RFTN1: variants seen among roughly 807,000 people sequenced by gnomAD.
The protein encoded by RFTN1 is raftlin.
Under a neutral mutation model 46.5 loss-of-function variants are expected in RFTN1, and 26 were observed. That is an observed-to-expected ratio of 0.56 (90% confidence interval 0.41 to 0.78). The LOEUF (loss-of-function observed/expected upper bound fraction) is 0.78. RFTN1 is among the 30% of genes least tolerant of loss of function. RFTN1 has a pLI of 0.00. For missense variants in RFTN1, 693 were observed against 718.7 expected, an observed-to-expected ratio of 0.96 and a Z score of 0.41; for synonymous variants, 261 against 284.2, an observed-to-expected ratio of 0.92 and a Z score of 0.82.
chr3:16,413,723 G>T lies in RFTN1; in HGVS notation c.333-4240C>A, dbSNP rs185624770. Among the ~76,000 whole-genome samples, 1 of 152,246 alleles carries T rather than the reference G, an allele frequency of 6.6e-6. No homozygotes were observed. The highest frequency in any genetic ancestry group is 2.4e-5 in the African/African-American group (1 of 41,530). ...ACTAAGCACTCTCCAATTAAATAAAGACACTCTGAGGAGAGCATGACTAAT... is the reference window on the plus strand; with the variant it reads ...ACTAAGCACTCTCCAATTAAATAAATACACTCTGAGGAGAGCATGACTAAT... On this transcript the variant is annotated intron_variant, in intron 3 of 9. Transcript: ENST00000334133. This position sits in a 1 kb window ranked among gnomAD's most constrained non-coding sequence, Gnocchi z 4.7.
At chr3:16,399,559 A>G (rs1412800814) in intron 4 of RFTN1, among the ~76,000 whole-genome samples, 3 of 151,902 alleles carry the variant, frequency 2.0e-5, no homozygotes, top group Non-Finnish European at 4.4e-5. Flanking sequence ...TTTCACACTG[A>G]CCTCTCTGGC....
chr3:16,441,319 A>G (rs1299539139), intron 2 of RFTN1, among the ~76,000 whole-genome samples: 1 of 150,584 alleles, frequency 6.6e-6, no homozygotes, highest in African/African-American at 2.4e-5. Flanking sequence ...AAAAAAAAAA[A>G]AGGAAAAGAA....
At position 16,352,731 on chromosome 3, in the gene RFTN1, C is replaced by G. The variant is rs1029106853; in HGVS notation, c.1146+5201G>C. Reference sequence around the variant, plus strand: ...TATGTGCCCAGTCCTACATTCACAACTTTTTAATATATTTTCTCTTTTAAT... The same window carrying G: ...TATGTGCCCAGTCCTACATTCACAAGTTTTTAATATATTTTCTCTTTTAAT... On this transcript the variant is annotated intron_variant, in intron 7 of 9. Transcript: ENST00000334133. This position sits in a 1 kb window ranked among gnomAD's most constrained non-coding sequence, Gnocchi z 4.6. 1.3e-5 allele frequency among the ~76,000 whole-genome samples: 2 copies of G among 152,190 alleles called. No homozygotes were observed. The highest frequency in any genetic ancestry group is 4.8e-5 in the African/African-American group (2 of 41,448).
chr3:16,372,763 G>A (rs1400239233), intron 5 of RFTN1, among the ~76,000 whole-genome samples: 1 of 152,214 alleles, frequency 6.6e-6, no homozygotes, highest in Non-Finnish European at 1.5e-5. Flanking sequence ...CCTCAGAAAA[G>A]GTAGACGGTG....
chr3:16,358,448 CT>C (rs372870244), intron 6 of RFTN1, among the ~76,000 whole-genome samples: 1 of 145,346 alleles, frequency 6.9e-6, no homozygotes, highest in African/African-American at 2.5e-5. Context: ...TTTCTTTTTT[CT>C]TTTTTTTTAA....
Position 16,380,599 on chromosome 3 carries a change from C to T in RFTN1, c.442-2497G>A, listed in dbSNP as rs2073954012. Reference sequence around the variant, plus strand: ...TCAAAGTGTGGGCCCCAGACCAGAGCATCAGCATCCCCTGGGAACCTGTTA... The same window carrying T: ...TCAAAGTGTGGGCCCCAGACCAGAGTATCAGCATCCCCTGGGAACCTGTTA... On this transcript the variant is annotated intron_variant, in intron 4 of 9. Coordinates refer to ENST00000334133, the MANE Select transcript of RFTN1 (RefSeq NM_015150.2). The surrounding 1 kb of genome is among the most constrained non-coding windows in gnomAD (Gnocchi z 4.8). 6.6e-6 allele frequency among the ~76,000 whole-genome samples: 1 copy of T among 152,218 alleles called. No individual in the cohort carries two copies. Among genetic ancestry groups the T allele is most frequent in the African/African-American group, 2.4e-5 (1 of 41,450 alleles).
chr3:16,508,004 T>C (rs1019114748), intron 1 of RFTN1, among the ~76,000 whole-genome samples: 4 of 152,220 alleles, frequency 2.6e-5, no homozygotes, highest in African/African-American at 9.7e-5. Flanking sequence ...TCTGGCTTCC[T>C]GGTTGAAGAA....
At chr3:16,482,724 T>C in intron 2 of RFTN1, 1 of 1,493,288 alleles carries the variant, frequency 6.7e-7, no homozygotes, top group Non-Finnish European at 9.0e-7. Context: ...GTTGCTACTG[T>C]TAACAATGAT....
In RFTN1 at chr3:16,316,134, C is replaced by A. The variant is rs528792217; in HGVS notation, c.*694G>T. On this transcript the variant is annotated 3_prime_UTR_variant, in exon 10 of 10. Coordinates refer to ENST00000334133, the MANE Select transcript of RFTN1 (RefSeq NM_015150.2). This position sits in a 1 kb window ranked among gnomAD's most constrained non-coding sequence, Gnocchi z 4.5. ...TGTGGTTTGTATGATGTGCTGAGTA[C>A]AAAACCTTTAAAAACAACTTTTTGG... 2 of 153,258 alleles carry A rather than the reference C, an allele frequency of 1.3e-5. No individual in the cohort carries two copies. The highest frequency in any genetic ancestry group is 2.9e-5 in the Non-Finnish European group (2 of 68,540). 9.5% of individuals were successfully genotyped at this position (153,258 alleles called of 1,614,324 possible).
At position 16,450,538 on chromosome 3, in the gene RFTN1, G is replaced by C. The variant is rs1040825202; in HGVS notation, c.146-16501C>G. ...AGGTTAACATGTCTCCCATGTCTAT[G>C]CTCCCTCAGGTGGCTTCCACAGGCA... On this transcript the variant is annotated intron_variant, in intron 2 of 9. Transcript: ENST00000334133. The surrounding 1 kb of genome is among the most constrained non-coding windows in gnomAD (Gnocchi z 4.6). Among the ~76,000 whole-genome samples, 4 of 152,194 alleles carry C rather than the reference G, an allele frequency of 2.6e-5. No homozygotes were observed. The highest frequency in any genetic ancestry group is 1.3e-4 in the Admixed American group (2 of 15,276).
At position 16,512,061 on chromosome 3, in the gene RFTN1, A is replaced by C. The variant is rs2125019902; in HGVS notation, c.-9+1381T>G. Among the ~76,000 whole-genome samples, 1 of 152,286 alleles carries C rather than the reference A, an allele frequency of 6.6e-6. No individual in the cohort carries two copies. Among genetic ancestry groups the C allele is most frequent in the African/African-American group, 2.4e-5 (1 of 41,562 alleles). ...GTCTGAGGTTAGAGTGATTTCACTG[A>C]GGTTAGCACACACGCACCAAAGAGT... On this transcript the variant is annotated intron_variant, in intron 1 of 9. Coordinates refer to ENST00000334133, the MANE Select transcript of RFTN1 (RefSeq NM_015150.2). The surrounding 1 kb of genome is among the most constrained non-coding windows in gnomAD (Gnocchi z 4.3).
chr3:16,339,935 A>G (rs2071201337), intron 7 of RFTN1: 2 of 152,222 alleles, frequency 1.3e-5, no homozygotes, highest in Admixed American at 1.3e-4. Context: ...ATTGCTGTAA[A>G]TCATGCCTAA....
chr3:16,329,322 C>G lies in RFTN1; in HGVS notation c.1147-2446G>C, dbSNP rs1559819297. ...ATCCTGTTACAACAGCACAAGTGGACCGAGACAGGGCGGAAGTGGAGAAAG... is the reference window on the plus strand; with the variant it reads ...ATCCTGTTACAACAGCACAAGTGGAGCGAGACAGGGCGGAAGTGGAGAAAG... On this transcript the variant is annotated intron_variant, in intron 7 of 9. Coordinates refer to ENST00000334133, the MANE Select transcript of RFTN1 (RefSeq NM_015150.2). The surrounding 1 kb of genome is among the most constrained non-coding windows in gnomAD (Gnocchi z 4.5). 2.0e-5 allele frequency among the ~76,000 whole-genome samples: 3 copies of G among 150,884 alleles called. No homozygotes were observed. Among genetic ancestry groups the G allele is most frequent in the Non-Finnish European group, 3.0e-5 (2 of 67,716 alleles).
chr3:16,319,943 C>T lies in RFTN1; in HGVS notation c.1333-2711G>A, dbSNP rs186306390. On this transcript the variant is annotated intron_variant, in intron 9 of 9. Transcript: ENST00000334133. Reference sequence around the variant, plus strand: ...GAGTCTCTGAGCTTAACCAGCAAGCCGCAGATAAAACAGGTTGCACTGAGT... The same window carrying T: ...GAGTCTCTGAGCTTAACCAGCAAGCTGCAGATAAAACAGGTTGCACTGAGT... Among the ~76,000 whole-genome samples, 635 of 152,064 alleles carry T rather than the reference C, an allele frequency of 4.2e-3. 2 individuals are homozygous for T. Among genetic ancestry groups the T allele is most frequent in the South Asian group, 0.015 (74 of 4,826 alleles).
In RFTN1 at chr3:16,425,382, G is replaced by A. The variant is rs1389219931; in HGVS notation, c.332+8469C>T. Reference sequence around the variant, plus strand: ...ATTCAGTGCTTGTGCATTTGTTTGGGTACCTGCTCACTGTTCTCTGTCATT... The same window carrying A: ...ATTCAGTGCTTGTGCATTTGTTTGGATACCTGCTCACTGTTCTCTGTCATT... On this transcript the variant is annotated intron_variant, in intron 3 of 9. Transcript: ENST00000334133. This position sits in a 1 kb window ranked among gnomAD's most constrained non-coding sequence, Gnocchi z 4.3. Among the ~76,000 whole-genome samples, 1 of 152,220 alleles carries A rather than the reference G, an allele frequency of 6.6e-6. No homozygotes were observed. Among genetic ancestry groups the A allele is most frequent in the Non-Finnish European group, 1.5e-5 (1 of 68,048 alleles).
At position 16,329,483 on chromosome 3, in the gene RFTN1, C is replaced by T. The variant is rs1170364560; in HGVS notation, c.1147-2607G>A. Among the ~76,000 whole-genome samples the T allele has an allele frequency of 6.6e-6, 1 of 152,168 alleles. No homozygotes were observed. Among genetic ancestry groups the T allele is most frequent in the African/African-American group, 2.4e-5 (1 of 41,442 alleles). On this transcript the variant is annotated intron_variant, in intron 7 of 9. Transcript: ENST00000334133. This position sits in a 1 kb window ranked among gnomAD's most constrained non-coding sequence, Gnocchi z 4.5. The stretch of plus-strand genomic sequence containing the variant: ...GCCATTCTGGTCCCTTCCCTGAAGC[C>T]TCTATCAGGCCAGAGATGGCCCAGC...
intron 2 of RFTN1, chr3:16,482,731 T>C (rs2076387781): frequency 1.3e-6 from 2 of 1,518,748 alleles, no homozygotes; most frequent in South Asian, 2.4e-5. Context: ...CTGTTAACAA[T>C]GATTATATCA....
intron 2 of RFTN1, among the ~76,000 whole-genome samples, chr3:16,486,071 A>C (rs2076442199): frequency 6.6e-6 from 1 of 152,196 alleles, no homozygotes; most frequent in African/African-American, 2.4e-5. Context: ...GTGTCATCCC[A>C]GGTGCCCAGC....
intron 1 of RFTN1, among the ~76,000 whole-genome samples, chr3:16,510,027 C>A (rs1192948533): frequency 6.6e-6 from 1 of 152,182 alleles, no homozygotes; most frequent in African/African-American, 2.4e-5. Flanking sequence ...CAAGCTTTGG[C>A]TGTTGGCACC....
Sources: allele counts gnomAD v4.1 joint callset (sites outside exome capture counted in the v4.1 genomes callset), GRCh38; gene constraint gnomAD v4.1.1; non-coding constraint Gnocchi (gnomAD v3.1); transcripts MANE v1.5; gene names NCBI Gene and HGNC (gene_info 2026-07-23, HGNC 2026-07-21).